The following SYNE1 variants were observed in gnomAD, a reference collection of about 807,000 sequenced individuals.
The protein encoded by SYNE1 is spectrin repeat containing nuclear envelope protein 1, also known as nesprin-1.
In SYNE1, 616 loss-of-function variants were observed where a neutral mutation model predicts 1,111.0. The ratio of observed to expected loss-of-function variants is 0.55; its 90% CI spans 0.52 to 0.59. SYNE1 has a LOEUF of 0.59. Among genes scored for constraint, SYNE1 ranks in the 20% least tolerant of loss-of-function variants. SYNE1 has a pLI of 0.00. For missense variants in SYNE1, 10,006 were observed against 10,417.0 expected, an observed-to-expected ratio of 0.96 and a Z score of 1.72; for synonymous variants, 3,855 against 3,825.8, an observed-to-expected ratio of 1.01 and a Z score of -0.28.
Position 152,476,353 on chromosome 6 carries a change from A to AC in SYNE1, c.1351-3941_1351-3940insG, listed in dbSNP as rs2098834573. On this transcript the variant is annotated intron_variant, in intron 14 of 145. Coordinates refer to ENST00000367255, the MANE Select transcript of SYNE1 (RefSeq NM_182961.4). ...TGCACAGCCCCCAAATCATAGTGTC[A>AC]TTTATGACTCTTCTTCTTTCACGGT... 2.0e-5 allele frequency among the ~76,000 whole-genome samples: 3 copies of AC among 152,292 alleles called. No homozygotes were observed. The South Asian group carries it at 6.2e-4, about 32-fold the overall frequency.
At chr6:152,240,103 G>A (rs1274936696) in intron 107 of SYNE1, among the ~76,000 whole-genome samples, 2 of 152,154 alleles carry the variant, frequency 1.3e-5, no homozygotes, top group Non-Finnish European at 1.5e-5. Flanking sequence ...AGAGGAGAGT[G>A]AGGAGTGCGC....
At chr6:152,245,680 TA>T (rs1483915099) in intron 105 of SYNE1, among the ~76,000 whole-genome samples, 1 of 152,194 alleles carries the variant, frequency 6.6e-6, no homozygotes, top group East Asian at 1.9e-4. Flanking sequence ...AGCTGAATTC[TA>T]AACCAGTGGA....
In SYNE1 at chr6:152,233,800, A is replaced by G; in HGVS notation, c.20693T>C (p.Val6898Ala). 1 of 1,614,166 alleles carries G rather than the reference A, an allele frequency of 6.2e-7. No individual in the cohort carries two copies. The highest frequency in any genetic ancestry group is 8.5e-7 in the Non-Finnish European group (1 of 1,180,036). Reference protein sequence around the residue: ...WTDLLTNIPAVQEKLHQLQMD... With the variant: ...WTDLLTNIPAAQEKLHQLQMD... ...CTGTACCTGGTGGAGCTTCTCCTGG[A>G]CGGCTGGGATATTGGTTAGCAGGTC... The change falls in exon 112 of 146, where the codon GTC becomes GCC. Residue 6898 changes from valine (V) to alanine (A), a missense_variant. This residue lies in a region of SYNE1 where 2,182 missense variants were observed against 2,287.8 expected (regional missense o/e 0.95). Transcript: ENST00000367255.
intron 3 of SYNE1, among the ~76,000 whole-genome samples, chr6:152,545,373 A>G (rs1395670283): frequency 1.3e-5 from 2 of 152,152 alleles, no homozygotes; most frequent in African/African-American, 4.8e-5. Context: ...TGAGGTCAAG[A>G]GTTTGAGACT....
intron 127 of SYNE1, among the ~76,000 whole-genome samples, chr6:152,199,779 T>C (rs919230208): frequency 6.6e-6 from 1 of 152,352 alleles, no homozygotes; most frequent in African/African-American, 2.4e-5. Context: ...AACAAGATTT[T>C]AGCCTGAATT....
chr6:152,259,788 C>T (rs2091662202), intron 101 of SYNE1, among the ~76,000 whole-genome samples: 1 of 152,114 alleles, frequency 6.6e-6, no homozygotes, highest in Non-Finnish European at 1.5e-5. Context: ...TTTCACACCA[C>T]AGAGAGGAAA....
Position 152,230,691 on chromosome 6 carries a change from C to A in SYNE1, c.21051G>T (p.Leu7017Phe), listed in dbSNP as rs1201598994. The A allele has an allele frequency of 6.2e-7, 1 of 1,613,776 alleles. No homozygotes were observed. The highest frequency in any genetic ancestry group is 2.2e-5 in the East Asian group (1 of 44,860). ...CTGACCAAGATTCCAATAAGCCTTC[C>A]AACAGCTGGATCTGAACAAACACAA... ...QGLVTEKIQL[L>F]EGLLESWSEY... The change falls in exon 115 of 146, where the codon TTG (leucine) becomes TTT (phenylalanine). Residue 7017 changes from leucine (L) to phenylalanine (F), a missense_variant. Around this residue, in one of 7 missense-constraint regions of SYNE1, gnomAD observed 2,182 missense variants for 2,287.8 expected, o/e 0.95. Transcript: ENST00000367255.
intron 5 of SYNE1, among the ~76,000 whole-genome samples, chr6:152,522,176 C>A (rs73782847): frequency 0.027 from 4,076 of 152,060 alleles, 211 homozygotes; most frequent in African/African-American, 0.093. Context: ...GCACCTGTCA[C>A]TCAACATTTA....
intron 39 of SYNE1, among the ~76,000 whole-genome samples, chr6:152,421,623 G>A (rs989435252): frequency 2.0e-5 from 3 of 151,614 alleles, no homozygotes; most frequent in East Asian, 1.9e-4. Flanking sequence ...TTTCCTGGCC[G>A]CAAGTTTCCA....
intron 66 of SYNE1, among the ~76,000 whole-genome samples, chr6:152,355,193 C>T (rs1307202180): frequency 6.6e-6 from 1 of 152,202 alleles, no homozygotes; most frequent in Non-Finnish European, 1.5e-5. Context: ...AACATACACA[C>T]ACACACACCC....
intron 17 of SYNE1, 39 bp from the exon 18 acceptor site, chr6:152,465,499 T>C: frequency 6.4e-7 from 1 of 1,570,842 alleles, no homozygotes; most frequent in Non-Finnish European, 8.7e-7. Context: ...TTATCTCATA[T>C]TTTAAATCCT....
At chr6:152,139,891 C>A in intron 140 of SYNE1, 59 bp downstream of exon 140, 1 of 1,580,070 alleles carries the variant, frequency 6.3e-7, no homozygotes, top group Admixed American at 1.7e-5. Context: ...GCCATCTGCA[C>A]GGTCGTTCAC....
intron 66 of SYNE1, among the ~76,000 whole-genome samples, chr6:152,355,271 A>T (rs915564058): frequency 6.6e-5 from 10 of 152,204 alleles, no homozygotes; most frequent in African/African-American, 2.4e-4. Flanking sequence ...ACACTTGTGA[A>T]TAAAGGGCTA....
rs1024237996 is a variant in SYNE1 at position 152,238,893 on chromosome 6, T to C, written c.20067+640A>G. On this transcript the variant is annotated intron_variant, in intron 108 of 145. Coordinates refer to ENST00000367255, the MANE Select transcript of SYNE1 (RefSeq NM_182961.4). Reference sequence around the variant, plus strand: ...GACAGAAAAAAATATTTCTACATTTTACTTTCATTTTTTTTTTTTTTTGAG... The same window carrying C: ...GACAGAAAAAAATATTTCTACATTTCACTTTCATTTTTTTTTTTTTTTGAG... Among the ~76,000 whole-genome samples the C allele has an allele frequency of 9.9e-5, 15 of 151,862 alleles. No homozygotes were observed. The South Asian group carries it at 3.1e-3, about 32-fold the overall frequency.
Position 152,369,624 on chromosome 6 carries a change from T to C in SYNE1, c.9508-10A>G. On this transcript the variant is annotated splice_polypyrimidine_tract_variant and intron_variant, in intron 59 of 145. Coordinates refer to ENST00000367255, the MANE Select transcript of SYNE1 (RefSeq NM_182961.4). ...TTTGGATCTTTAGATTCTGCAAGGT[T>C]TTAGATAGTGTCCAGGACAAGAAAA... 1.2e-6 allele frequency: 2 copies of C among 1,614,016 alleles called. No individual in the cohort carries two copies. The highest frequency in any genetic ancestry group is 1.7e-6 in the Non-Finnish European group (2 of 1,179,978).
intron 123 of SYNE1, among the ~76,000 whole-genome samples, chr6:152,212,498 A>T (rs900227218): frequency 6.6e-6 from 1 of 152,128 alleles, no homozygotes; most frequent in African/African-American, 2.4e-5. Flanking sequence ...TTATATAGAC[A>T]TTTCACATTT....
intron 128 of SYNE1, among the ~76,000 whole-genome samples, chr6:152,182,775 T>C (rs748062573): frequency 2.0e-4 from 31 of 152,074 alleles, no homozygotes; most frequent in Non-Finnish European, 3.1e-4. Context: ...GCATAGTGAG[T>C]TGCCTAGAGA....
intron 3 of SYNE1, among the ~76,000 whole-genome samples, chr6:152,590,402 T>A (rs926810643): frequency 4.0e-5 from 6 of 151,670 alleles, no homozygotes; most frequent in African/African-American, 9.7e-5. Context: ...GGTCATAGCA[T>A]ACTACCTAAT....
intron 131 of SYNE1, among the ~76,000 whole-genome samples, chr6:152,159,047 G>A (rs866960338): frequency 1.3e-5 from 2 of 152,156 alleles, no homozygotes; most frequent in African/African-American, 4.8e-5. Flanking sequence ...CGCCTCCCAG[G>A]TTCAAGCGAT....
Sources: allele counts gnomAD v4.1 joint callset (sites outside exome capture counted in the v4.1 genomes callset), GRCh38; gene constraint gnomAD v4.1.1; regional missense constraint gnomAD v4.1.1; transcripts MANE v1.5; gene names NCBI Gene and HGNC (gene_info 2026-07-23, HGNC 2026-07-21).